Variants in CNOT7 observed in about 807,000 individuals in gnomAD.
CNOT7 encodes the protein BTG1-binding factor 1.
Under a neutral mutation model 37.1 loss-of-function variants are expected in CNOT7, and 4 were observed. The observed-to-expected ratio is 0.11, with a 90% CI of 0.05 to 0.25. CNOT7 has a LOEUF of 0.25. Ranked by LOEUF, CNOT7 falls within the 10% of genes least tolerant of loss-of-function variation. The probability of loss-of-function intolerance (pLI) is 1.00; values close to 1 mark genes in which losing one functional copy is unlikely to be tolerated. For synonymous variants in CNOT7, 128 were observed against 115.6 expected, an observed-to-expected ratio of 1.11 and a Z score of -0.69; for missense variants, 170 against 336.2, an observed-to-expected ratio of 0.51 and a Z score of 3.87.
rs1563199491 is a variant in CNOT7, at chr8:17,237,678, C to G, written c.312-305G>C. 4 of 235,024 alleles carry G rather than the reference C, an allele frequency of 1.7e-5. No homozygotes were observed. The East Asian group carries it at 2.6e-4, about 15-fold the overall frequency. 14.6% of individuals were successfully genotyped at this position (235,024 alleles called of 1,614,324 possible). On this transcript the variant is annotated intron_variant, in intron 3 of 6. Transcript: ENST00000361272. ...TTAACTGGGTTTGGAAAAGGGTCTC[C>G]TATTCACCAGGGGCTACCGTCGCAA... is the stretch of plus-strand genomic sequence containing the variant.
At chr8:17,235,207 A>C (rs1283779353) in intron 4 of CNOT7, among the ~76,000 whole-genome samples, 1 of 152,226 alleles carries the variant, frequency 6.6e-6, no homozygotes, top group Non-Finnish European at 1.5e-5. Context: ...ATATTTTTTA[A>C]AGTAACTATG....
At position 17,243,034 on chromosome 8, in the gene CNOT7, G is replaced by C; in HGVS notation, c.269C>G (p.Pro90Arg). Residue 90 changes from proline to arginine, a missense_variant, in exon 3 of 7, where the codon CCA (proline) becomes CGA (arginine). Around this residue, in one of 6 missense-constraint regions of CNOT7, gnomAD observed 20 missense variants for 18.5 expected, o/e 1.08. Coordinates refer to ENST00000361272, the MANE Select transcript of CNOT7 (RefSeq NM_013354.7). ...TFMNEQGEYP[P>R]GTSTWQFNFK... ...ATTAAACTGCCAAGTTGAAGTTCCTGGAGGGTATTCTCCTTGCTCATTCAT... is the reference window on the plus strand; with the variant it reads ...ATTAAACTGCCAAGTTGAAGTTCCTCGAGGGTATTCTCCTTGCTCATTCAT... The C allele has an allele frequency of 6.2e-7, 1 of 1,603,574 alleles. No individual in the cohort carries two copies. The highest frequency in any genetic ancestry group is 1.3e-5 in the African/African-American group (1 of 74,302).
chr8:17,245,050 T>C lies in CNOT7; in HGVS notation c.103A>G (p.Asn35Asp). The C allele has an allele frequency of 6.2e-7, 1 of 1,613,448 alleles. No individual in the cohort carries two copies. The highest frequency in any genetic ancestry group is 1.1e-5 in the South Asian group (1 of 90,998). ...TGTGGGCATACCATAGCAACGTAAT[T>C]ATATTTTCGGATAACTTGACGAATT... ...KKIRQVIRKY[N>D]YVAMDTEFPG... Residue 35 changes from asparagine (N) to aspartate (D), a missense_variant, in exon 2 of 7, where the codon AAT becomes GAT. Asn to Asp is a conservative substitution (Grantham distance 23, BLOSUM62 1). This residue lies in a region of CNOT7 where 18 missense variants were observed against 57.0 expected (regional missense o/e 0.32). Coordinates refer to ENST00000361272, the MANE Select transcript of CNOT7 (RefSeq NM_013354.7).
chr8:17,240,076 T>A (rs1019933181), intron 3 of CNOT7, among the ~76,000 whole-genome samples: 3 of 152,234 alleles, frequency 2.0e-5, no homozygotes, highest in African/African-American at 7.2e-5. Flanking sequence ...TAACTGACAC[T>A]CATTCTAGCC....
intron 6 of CNOT7, 135 bp from the exon 7 acceptor site, chr8:17,230,983 G>A: frequency 1.7e-6 from 1 of 599,724 alleles, no homozygotes; most frequent in Non-Finnish European, 2.8e-6. Context: ...GTTCCTTTGA[G>A]GCTACGCATT....
chr8:17,233,136 T>A (rs1030050603), intron 5 of CNOT7, among the ~76,000 whole-genome samples: 1 of 149,524 alleles, frequency 6.7e-6, no homozygotes, highest in African/African-American at 2.5e-5. Context: ...GTGGAAAGAG[T>A]GGAAAGAAAG....
intron 3 of CNOT7, chr8:17,241,164 T>G (rs915824613): frequency 4.6e-5 from 7 of 152,234 alleles, no homozygotes; most frequent in African/African-American, 1.7e-4. Context: ...ACACCTCAGT[T>G]AAAGCAATCC....
chr8:17,240,134 T>C (rs1809955770), intron 3 of CNOT7, among the ~76,000 whole-genome samples: 1 of 152,198 alleles, frequency 6.6e-6, no homozygotes, highest in African/African-American at 2.4e-5. Context: ...TTTCCAAGAT[T>C]CTCTTCACGG....
chr8:17,231,766 C>A, intron 6 of CNOT7: 1 of 985,424 alleles, frequency 1.0e-6, no homozygotes, highest in Non-Finnish European at 1.2e-6. Flanking sequence ...CATTTAGTTT[C>A]ATTCTTCCAT....
At chr8:17,237,449 A>G in intron 3 of CNOT7, 76 bp from the exon 4 acceptor site, 1 of 1,365,960 alleles carries the variant, frequency 7.3e-7, no homozygotes, top group Admixed American at 1.8e-5. Context: ...TTACATCTAT[A>G]ACTACAGTGC....
At chr8:17,233,871 G>A (rs751210904) in intron 5 of CNOT7, among the ~76,000 whole-genome samples, 8 of 152,104 alleles carry the variant, frequency 5.3e-5, no homozygotes, top group African/African-American at 9.7e-5. Flanking sequence ...TGACCAACAC[G>A]GTAAAACCCC....
intron 5 of CNOT7, among the ~76,000 whole-genome samples, chr8:17,233,249 C>G (rs2150973789): frequency 6.6e-6 from 1 of 152,252 alleles, no homozygotes; most frequent in South Asian, 2.1e-4. Context: ...ACACCAACAA[C>G]AAAACAAAAA....
At chr8:17,231,563 A>G in intron 6 of CNOT7, 1 of 985,282 alleles carries the variant, frequency 1.0e-6, no homozygotes, top group Non-Finnish European at 1.2e-6. Flanking sequence ...TTGCTACAAA[A>G]AGTTTTAAAT....
intron 4 of CNOT7, among the ~76,000 whole-genome samples, chr8:17,235,551 C>T (rs1563195249): frequency 6.6e-6 from 1 of 152,116 alleles, no homozygotes; most frequent in East Asian, 1.9e-4. Context: ...AACTCCTACA[C>T]TCTCAAATCC....
intron 3 of CNOT7, among the ~76,000 whole-genome samples, chr8:17,239,116 G>A (rs951356332): frequency 1.3e-5 from 2 of 152,182 alleles, no homozygotes; most frequent in Non-Finnish European, 2.9e-5. Context: ...GCAGTGGCTT[G>A]AACACGGCTC....
intron 4 of CNOT7, among the ~76,000 whole-genome samples, chr8:17,235,522 C>G (rs969973087): frequency 6.6e-6 from 1 of 152,130 alleles, no homozygotes; most frequent in African/African-American, 2.4e-5. Flanking sequence ...AATAACTACT[C>G]TCTTGATCAT....
chr8:17,244,571 A>T (rs1262684687), intron 2 of CNOT7: 1 of 153,058 alleles, frequency 6.5e-6, no homozygotes, highest in Non-Finnish European at 1.5e-5. Flanking sequence ...TAAAAATGTC[A>T]AACCACAAAA....
rs1259381942 is a variant in CNOT7 at position 17,229,231 on chromosome 8, A to G, written c.*1489T>C. ...AGAAAATCACCAGTCATCAACATTT[A>G]TAAGAAAACATTTTGAAGCCTTTAT... On this transcript the variant is annotated 3_prime_UTR_variant, in exon 7 of 7. Coordinates refer to ENST00000361272, the MANE Select transcript of CNOT7 (RefSeq NM_013354.7). 3 of 152,034 alleles carry G rather than the reference A, an allele frequency of 2.0e-5. No homozygotes were observed. The highest frequency in any genetic ancestry group is 7.2e-5 in the African/African-American group (3 of 41,450). The allele number at this position is 152,034 out of a possible 1,614,324, so 9.4% of individuals were successfully genotyped here. A position where few individuals can be genotyped will look rare whatever the true frequency, so the allele number is the denominator to read the frequency against.
chr8:17,224,970 T>C lies in CNOT7; in HGVS notation c.*5750A>G, dbSNP rs537134932. On this transcript the variant is annotated 3_prime_UTR_variant, in exon 7 of 7. Transcript: ENST00000361272. ...GAAAGTCTGTATACACACATATAGCTCAAGAACAAGTTTTTATTATGCATG... is the reference window on the plus strand; with the variant it reads ...GAAAGTCTGTATACACACATATAGCCCAAGAACAAGTTTTTATTATGCATG... 2 of 151,842 alleles carry C rather than the reference T, an allele frequency of 1.3e-5. 1 individual carries two copies. Among genetic ancestry groups the C allele is most frequent in the South Asian group, 4.1e-4 (2 of 4,824 alleles). 9.4% of individuals were successfully genotyped at this position (151,842 alleles called of 1,614,324 possible).
Sources: allele counts gnomAD v4.1 joint callset (sites outside exome capture counted in the v4.1 genomes callset), GRCh38; gene constraint gnomAD v4.1.1; regional missense constraint gnomAD v4.1.1; transcripts MANE v1.5; gene names NCBI Gene and HGNC (gene_info 2026-07-23, HGNC 2026-07-21).